The following HECW2 variants were observed in gnomAD, a reference collection of about 807,000 sequenced individuals.
HECW2 encodes HECT, C2 and WW domain containing E3 ubiquitin protein ligase 2.
In HECW2, 61 loss-of-function variants were observed where a neutral mutation model predicts 175.2. The ratio of observed to expected loss-of-function variants is 0.35; its 90% CI spans 0.28 to 0.43. HECW2 has a LOEUF of 0.43. HECW2 is among the 20% of genes least tolerant of loss of function. The pLI is 1.00. For missense variants in HECW2, 1,524 were observed against 2,000.5 expected, an observed-to-expected ratio of 0.76 and a Z score of 4.54; for synonymous variants, 671 against 731.0, an observed-to-expected ratio of 0.92 and a Z score of 1.32.
intron 1 of HECW2, among the ~76,000 whole-genome samples, chr2:196,540,867 A>ACCTG (rs1689187959): frequency 6.6e-6 from 1 of 152,232 alleles, no homozygotes; most frequent in Non-Finnish European, 1.5e-5. Flanking sequence ...CATACAAAGA[A>ACCTG]ATGGCTGTTC....
intron 1 of HECW2, among the ~76,000 whole-genome samples, chr2:196,503,644 G>A (rs1559146873): frequency 6.6e-6 from 1 of 152,112 alleles, no homozygotes; most frequent in Non-Finnish European, 1.5e-5. Flanking sequence ...GCAGGGAGTG[G>A]TGTCTCCCCG....
At chr2:196,350,183 G>T (rs1210583646) in intron 2 of HECW2, among the ~76,000 whole-genome samples, 1 of 152,084 alleles carries the variant, frequency 6.6e-6, no homozygotes, top group Admixed American at 6.6e-5. Flanking sequence ...GGCTAACATG[G>T]TGAAACCTCG....
At chr2:196,426,973 T>C (rs1210029240) in intron 2 of HECW2, among the ~76,000 whole-genome samples, 6 of 152,178 alleles carry the variant, frequency 3.9e-5, no homozygotes, top group Admixed American at 3.9e-4. Context: ...ACAGTCAAAA[T>C]ACAGTTGTTC....
At chr2:196,561,433 G>A (rs186609089) in intron 1 of HECW2, among the ~76,000 whole-genome samples, 93 of 152,194 alleles carry the variant, frequency 6.1e-4, no homozygotes, top group African/African-American at 2.0e-3. Context: ...TTGTGATCCC[G>A]CCCTGACCTT....
intron 2 of HECW2, among the ~76,000 whole-genome samples, chr2:196,430,024 A>G (rs1377107008): frequency 6.6e-6 from 1 of 152,198 alleles, no homozygotes; most frequent in Non-Finnish European, 1.5e-5. Context: ...GCCAGAGTGA[A>G]GAGACCTGGC....
intron 2 of HECW2, among the ~76,000 whole-genome samples, chr2:196,413,421 C>G (rs1380895018): frequency 6.6e-6 from 1 of 152,084 alleles, no homozygotes; most frequent in Non-Finnish European, 1.5e-5. Context: ...TCTTGGTTCA[C>G]TGCAACCTCC....
At chr2:196,486,110 A>T (rs1686994505) in intron 1 of HECW2, among the ~76,000 whole-genome samples, 1 of 152,172 alleles carries the variant, frequency 6.6e-6, no homozygotes, top group African/African-American at 2.4e-5. Flanking sequence ...GTCTGGTGAT[A>T]GTCTAGATTG....
intron 6 of HECW2, among the ~76,000 whole-genome samples, chr2:196,323,353 A>G (rs1692019170): frequency 6.6e-6 from 1 of 152,238 alleles, no homozygotes; most frequent in Non-Finnish European, 1.5e-5. Flanking sequence ...TCTTCACTTT[A>G]TCTTTACAAC....
At chr2:196,340,136 A>G (rs1339560230) in intron 3 of HECW2, among the ~76,000 whole-genome samples, 1 of 152,138 alleles carries the variant, frequency 6.6e-6, no homozygotes, top group African/African-American at 2.4e-5. Flanking sequence ...AAAAACAAAC[A>G]TTTTTAAATA....
At chr2:196,521,634 C>G (rs71422622) in intron 1 of HECW2, among the ~76,000 whole-genome samples, 1 of 117,072 alleles carries the variant, frequency 8.5e-6, no homozygotes, top group African/African-American at 3.1e-5. Flanking sequence ...CCTCCCCCCT[C>G]CCCCCACCCC....
chr2:196,339,930 G>T (rs1417338752), intron 3 of HECW2, among the ~76,000 whole-genome samples: 2 of 152,130 alleles, frequency 1.3e-5, no homozygotes, highest in Non-Finnish European at 2.9e-5. Flanking sequence ...GCCCTATAAT[G>T]AAATAAATTT....
chr2:196,509,207 G>A (rs1381190688), intron 1 of HECW2, among the ~76,000 whole-genome samples: 1 of 152,146 alleles, frequency 6.6e-6, no homozygotes, highest in Non-Finnish European at 1.5e-5. Flanking sequence ...CATAGGGTGA[G>A]TTGTGGAAGG....
intron 1 of HECW2, among the ~76,000 whole-genome samples, chr2:196,521,433 C>G (rs2056740): frequency 1 from 151,484 of 152,084 alleles, 75,445 homozygotes; most frequent in Middle Eastern, 1. Context: ...ATGAATATTA[C>G]AAAGTCACTT....
At chr2:196,577,218 A>G (rs528426378) in intron 1 of HECW2, among the ~76,000 whole-genome samples, 10 of 152,294 alleles carry the variant, frequency 6.6e-5, no homozygotes, top group Middle Eastern at 6.8e-3. Flanking sequence ...ATGTTGCCCA[A>G]TTGGAATATA....
chr2:196,301,878 T>C (rs1339353230), intron 13 of HECW2, among the ~76,000 whole-genome samples: 3 of 152,208 alleles, frequency 2.0e-5, no homozygotes, highest in African/African-American at 7.2e-5. Flanking sequence ...GTAGAAGCTC[T>C]TTAGTTTAAT....
intron 1 of HECW2, among the ~76,000 whole-genome samples, chr2:196,556,382 A>C (rs1025068852): frequency 6.6e-6 from 1 of 152,312 alleles, no homozygotes; most frequent in East Asian, 1.9e-4. Flanking sequence ...CATGCTGTAC[A>C]GTAAGTCTCC....
intron 1 of HECW2, among the ~76,000 whole-genome samples, chr2:196,497,793 G>A (rs1305414992): frequency 1.3e-5 from 2 of 152,140 alleles, no homozygotes; most frequent in Non-Finnish European, 2.9e-5. Flanking sequence ...AACCACAGAG[G>A]GTCCTGCTCC....
chr2:196,336,812 G>A (rs1692565681), intron 3 of HECW2, among the ~76,000 whole-genome samples: 2 of 152,116 alleles, frequency 1.3e-5, no homozygotes, highest in African/African-American at 4.8e-5. Flanking sequence ...TTGCACAAAA[G>A]TAGATTTTGT....
intron 1 of HECW2, among the ~76,000 whole-genome samples, chr2:196,509,266 C>T (rs1687864753): frequency 6.6e-6 from 1 of 152,082 alleles, no homozygotes; most frequent in Non-Finnish European, 1.5e-5. Flanking sequence ...AGTGTGCCAC[C>T]CTCCTGGCTC....
Sources: allele counts gnomAD v4.1 joint callset (sites outside exome capture counted in the v4.1 genomes callset), GRCh38; gene constraint gnomAD v4.1.1; transcripts MANE v1.5; gene names NCBI Gene and HGNC (gene_info 2026-07-23, HGNC 2026-07-21).